Variants in TOR1B observed in about 807,000 individuals in gnomAD.
The protein encoded by TOR1B is torsin-1B.
A neutral mutation model predicts 29.2 loss-of-function variants in TOR1B; 14 were observed. The observed-to-expected ratio is 0.48, with a 90% confidence interval of 0.32 to 0.75. The LOEUF is 0.75. TOR1B is among the 30% of genes least tolerant of loss of function. The pLI is 0.04. For missense variants in TOR1B, 400 were observed against 433.9 expected (o/e 0.92, Z 0.69); for synonymous variants, 166 against 179.8 (o/e 0.92, Z 0.62).
chr9:129,803,398 G>C lies in TOR1B; in HGVS notation c.186G>C (p.Pro62=). The part of the protein sequence containing the change: ...RFAECCREER[P]LNASALKLDL... ...CCGAGTGCTGCCGCGAGGAGCGGCC[G>C]CTCAACGCTTCGGGTACGGCGCGCG... Residue 62 remains proline, a synonymous_variant, in exon 1 of 5, where the codon CCG becomes CCC. Coordinates refer to ENST00000259339, the MANE Select transcript of TOR1B (RefSeq NM_014506.3). 6.5e-7 allele frequency: 1 copy of C among 1,544,452 alleles called. No homozygotes were observed. The highest frequency in any genetic ancestry group is 1.7e-4 in the Middle Eastern group (1 of 5,850).
Position 129,808,935 on chromosome 9 carries a change from G to A in TOR1B, c.672G>A (p.Thr224=), listed in dbSNP as rs775892116. ...CAGGCGGGGACCTTATAACTAAGAC[G>A]GCTCTTGACTTTTGGCGGGCCGGAA... The part of the protein sequence containing the change: ...SNAGGDLITK[T]ALDFWRAGRK... The change falls in exon 4 of 5, where the codon ACG becomes ACA. Residue 224 remains threonine (T), a synonymous_variant. Transcript: ENST00000259339. The A allele has an allele frequency of 3.7e-6, 6 of 1,613,836 alleles. No individual in the cohort carries two copies. Among genetic ancestry groups the A allele is most frequent in the East Asian group, 2.2e-5 (1 of 44,874 alleles).
chr9:129,809,770 C>T lies in TOR1B; in HGVS notation c.*187C>T. On this transcript the variant is annotated 3_prime_UTR_variant, in exon 5 of 5. Transcript: ENST00000259339. ...CAAGCTGGAGTGCAGTGGTGCAATC[C>T]TCAACTCACTGCAACCTCCGCTCCC... The T allele has an allele frequency of 7.1e-7, 1 of 1,417,068 alleles. No homozygotes were observed. The highest frequency in any genetic ancestry group is 9.2e-7 in the Non-Finnish European group (1 of 1,088,918). 87.8% of individuals were successfully genotyped at this position (1,417,068 alleles called of 1,614,324 possible). A position where few individuals can be genotyped will look rare whatever the true frequency, so the allele number is the denominator to read the frequency against.
intron 3 of TOR1B, among the ~76,000 whole-genome samples, chr9:129,807,708 T>C (rs1475322377): frequency 6.6e-6 from 1 of 151,718 alleles, no homozygotes; most frequent in East Asian, 1.9e-4. Context: ...TAGCCGGGCG[T>C]GGTGGCGGGC....
In TOR1B at chr9:129,809,664, C is replaced by T. The variant is rs1236486372; in HGVS notation, c.*81C>T. 35 of 1,574,228 alleles carry T rather than the reference C, an allele frequency of 2.2e-5. No individual in the cohort carries two copies. Among genetic ancestry groups the T allele is most frequent in the African/African-American group, 4.1e-5 (3 of 73,292 alleles). On this transcript the variant is annotated 3_prime_UTR_variant, in exon 5 of 5. Coordinates refer to ENST00000259339, the MANE Select transcript of TOR1B (RefSeq NM_014506.3). ...TGCCTTTCAGAAGAACCCTGAAGAC[C>T]GCTTTGGGGTTTTGCCTGTTTGCAC... is the stretch of plus-strand genomic sequence containing the variant.
chr9:129,805,141 A>C (rs997258213), intron 2 of TOR1B, among the ~76,000 whole-genome samples: 1 of 106,826 alleles, frequency 9.4e-6, no homozygotes, highest in African/African-American at 2.8e-5. Context: ...CTGTCTCAGA[A>C]AAAAAAAAAA....
chr9:129,803,514 G>A, intron 1 of TOR1B, 103 bp downstream of exon 1: 1 of 1,208,584 alleles, frequency 8.3e-7, no homozygotes, highest in South Asian at 3.4e-5. Context: ...CCGGGCCCGT[G>A]GCATCTAGAC....
chr9:129,804,784 C>G (rs1306412706), intron 2 of TOR1B, among the ~76,000 whole-genome samples: 2 of 146,286 alleles, frequency 1.4e-5, no homozygotes, highest in Non-Finnish European at 3.0e-5. Flanking sequence ...ATCGCTTGAA[C>G]CTGGGTGGCA....
chr9:129,810,855 A>G lies in TOR1B; in HGVS notation c.*1272A>G, dbSNP rs1314098873. 2 of 153,624 alleles carry G rather than the reference A, an allele frequency of 1.3e-5. No homozygotes were observed. The highest frequency in any genetic ancestry group is 6.4e-5 in the Admixed American group (1 of 15,542). 9.5% of individuals were successfully genotyped at this position (153,624 alleles called of 1,614,324 possible). ...AATTTTTTATTGTTAAATTTGTGGT[A>G]ATACATGGTCACAACCGTGGATCAA... On this transcript the variant is annotated 3_prime_UTR_variant, in exon 5 of 5. Coordinates refer to ENST00000259339, the MANE Select transcript of TOR1B (RefSeq NM_014506.3).
chr9:129,807,091 C>A, intron 2 of TOR1B, 97 bp from the exon 3 acceptor site: 2 of 1,246,502 alleles, frequency 1.6e-6, no homozygotes, highest in Admixed American at 2.1e-5. Flanking sequence ...GAGCTCTGAC[C>A]TCGTCCTTCA....
At position 129,809,907 on chromosome 9, in the gene TOR1B, A is replaced by C. The variant is rs1451145440; in HGVS notation, c.*324A>C. The C allele has an allele frequency of 4.0e-6, 5 of 1,235,330 alleles. No individual in the cohort carries two copies. The highest frequency in any genetic ancestry group is 3.5e-5 in the Admixed American group (1 of 28,364). 76.5% of individuals were successfully genotyped at this position (1,235,330 alleles called of 1,614,324 possible). On this transcript the variant is annotated 3_prime_UTR_variant, in exon 5 of 5. Coordinates refer to ENST00000259339, the MANE Select transcript of TOR1B (RefSeq NM_014506.3). The stretch of plus-strand genomic sequence containing the variant: ...AGAGTTGATTGTGGAAAACACGTGA[A>C]TCTATTGCGCGCATTTGTCATTTAG...
rs999030900 is a variant in TOR1B, at chr9:129,807,819, C to T, written c.641+456C>T. On this transcript the variant is annotated intron_variant, in intron 3 of 4. Coordinates refer to ENST00000259339, the MANE Select transcript of TOR1B (RefSeq NM_014506.3). ...CGGGATCACACCACTGCACTCCAGC[C>T]TGGGTGACAGAGTGAGACTCTGTCT... is the stretch of plus-strand genomic sequence containing the variant. Among the ~76,000 whole-genome samples the T allele has an allele frequency of 4.7e-5, 7 of 149,676 alleles. No homozygotes were observed. In the East Asian group the frequency reaches 1.4e-3, roughly 29 times the overall value.
chr9:129,808,814 A>G (rs2030656160), intron 3 of TOR1B, 91 bp from the exon 4 acceptor site: 13 of 1,528,260 alleles, frequency 8.5e-6, no homozygotes, highest in Non-Finnish European at 1.2e-5. Flanking sequence ...GGCCTCCCAA[A>G]GTGCTGGGAT....
chr9:129,807,136 T>A, intron 2 of TOR1B, 52 bp from the exon 3 acceptor site: 1 of 1,590,510 alleles, frequency 6.3e-7, no homozygotes, highest in Non-Finnish European at 8.6e-7. Context: ...GCGCGCCTCT[T>A]GGTGCACCCT....
At chr9:129,803,767 A>C in intron 1 of TOR1B, among the ~76,000 whole-genome samples, 1 of 152,208 alleles carries the variant, frequency 6.6e-6, no homozygotes, top group East Asian at 1.9e-4. Flanking sequence ...CAGAAAGCCC[A>C]CATTTGGCCC....
chr9:129,808,847 C>A, intron 3 of TOR1B, 58 bp from the exon 4 acceptor site: 1 of 1,602,656 alleles, frequency 6.2e-7, no homozygotes, highest in Non-Finnish European at 8.5e-7. Context: ...CCACCACACC[C>A]AGCAGACACA....
chr9:129,808,786 A>G, intron 3 of TOR1B, 119 bp from the exon 4 acceptor site: 1 of 1,270,492 alleles, frequency 7.9e-7, no homozygotes, highest in Non-Finnish European at 1.1e-6. Context: ...TCCCGACCTC[A>G]GGTGATCTAC....
chr9:129,810,477 T>C lies in TOR1B; in HGVS notation c.*894T>C. On this transcript the variant is annotated 3_prime_UTR_variant, in exon 5 of 5. Transcript: ENST00000259339. Reference sequence around the variant, plus strand: ...GAATCCTTCACCGTCTCAGCTGGTATCAGCCCCAGCCTGCCTTGTGCCATA... The same window carrying C: ...GAATCCTTCACCGTCTCAGCTGGTACCAGCCCCAGCCTGCCTTGTGCCATA... 8.7e-7 allele frequency: 1 copy of C among 1,150,024 alleles called. No homozygotes were observed. The highest frequency in any genetic ancestry group is 1.7e-5 in the South Asian group (1 of 58,914). The allele number at this position is 1,150,024 out of a possible 1,614,324, so 71.2% of individuals were successfully genotyped here.
At position 129,809,329 on chromosome 9, in the gene TOR1B, T is replaced by C; in HGVS notation, c.770-13T>C. ...GGTGGTGGCAGGAAACCCAGCTGTG[T>C]CTTGTTCTGCAGGTGGCCTGTGGCA... is the stretch of plus-strand genomic sequence containing the variant. On this transcript the variant is annotated splice_polypyrimidine_tract_variant and intron_variant, in intron 4 of 4. Transcript: ENST00000259339. 1 of 1,613,806 alleles carries C rather than the reference T, an allele frequency of 6.2e-7. No individual in the cohort carries two copies. The highest frequency in any genetic ancestry group is 1.6e-4 in the Middle Eastern group (1 of 6,062).
chr9:129,805,943 A>T (rs1199063203), intron 2 of TOR1B, among the ~76,000 whole-genome samples: 1 of 152,144 alleles, frequency 6.6e-6, no homozygotes, highest in Non-Finnish European at 1.5e-5. Context: ...CAACATAGCA[A>T]GACTCCATCT....
Sources: gnomAD v4.1 joint callset for allele counts (sites outside exome capture counted in the v4.1 genomes callset) on GRCh38, gnomAD v4.1.1 for gene constraint, MANE v1.5 for transcripts, NCBI Gene and HGNC (gene_info 2026-07-23, HGNC 2026-07-21) for gene names.